Variants in VAPB observed in about 807,000 individuals in gnomAD.
VAPB encodes the protein VAMP associated protein B and C, also known as vesicle-associated membrane protein-associated protein B/C.
In VAPB, 7 loss-of-function variants were observed where a neutral mutation model predicts 25.6. That is an observed-to-expected ratio of 0.27 (90% CI 0.16 to 0.51). The LOEUF (loss-of-function observed/expected upper bound fraction) is 0.51. Ranked by LOEUF, VAPB falls within the 20% of genes least tolerant of loss-of-function variation. VAPB has a pLI of 0.97. For missense variants in VAPB, 266 were observed against 301.3 expected (o/e 0.88, Z 0.87); for synonymous variants, 112 against 109.2 (o/e 1.03, Z -0.16).
At position 58,446,431 on chromosome 20, in the gene VAPB, G is replaced by A. The variant is rs1289164816; in HGVS notation, c.*2196G>A. Reference sequence around the variant, plus strand: ...GTACAGTCCCATTACACTAGAGCAGGGCTCTATTTATTTTTAAAGGATATG... The same window carrying A: ...GTACAGTCCCATTACACTAGAGCAGAGCTCTATTTATTTTTAAAGGATATG... On this transcript the variant is annotated 3_prime_UTR_variant, in exon 6 of 6. Coordinates refer to ENST00000475243, the MANE Select transcript of VAPB (RefSeq NM_004738.5). 1 of 454,006 alleles carries A rather than the reference G, an allele frequency of 2.2e-6. No homozygotes were observed. Among genetic ancestry groups the A allele is most frequent in the Non-Finnish European group, 4.4e-6 (1 of 226,774 alleles). 28.1% of individuals were successfully genotyped at this position (454,006 alleles called of 1,614,324 possible).
chr20:58,424,895 A>G (rs1988753367), intron 2 of VAPB, among the ~76,000 whole-genome samples: 1 of 152,246 alleles, frequency 6.6e-6, no homozygotes. Flanking sequence ...AATAAATGCA[A>G]TTCATTATTT....
At chr20:58,400,007 G>A (rs1988058541) in intron 1 of VAPB, among the ~76,000 whole-genome samples, 1 of 152,182 alleles carries the variant, frequency 6.6e-6, no homozygotes, top group Admixed American at 6.5e-5. Context: ...GAAATGGAAA[G>A]GTACGTACTC....
chr20:58,419,346 G>A (rs1988618339), intron 2 of VAPB, among the ~76,000 whole-genome samples: 1 of 151,972 alleles, frequency 6.6e-6, no homozygotes, highest in Admixed American at 6.6e-5. Flanking sequence ...CCTGCATCTC[G>A]TCTCTCTCAT....
chr20:58,414,304 T>G (rs1162684249), intron 1 of VAPB, among the ~76,000 whole-genome samples: 1 of 130,286 alleles, frequency 7.7e-6, no homozygotes, highest in African/African-American at 2.9e-5. Context: ...CGGATGGGGC[T>G]GCTGGCCTGG....
intron 2 of VAPB, among the ~76,000 whole-genome samples, chr20:58,430,165 CAG>C (rs1037253389): frequency 8.7e-5 from 13 of 150,220 alleles, no homozygotes; most frequent in East Asian, 7.9e-4. Context: ...TACATGTTAA[CAG>C]AGTAACATTT....
chr20:58,433,438 AT>A (rs1480212741), intron 2 of VAPB, among the ~76,000 whole-genome samples: 15 of 152,292 alleles, frequency 9.8e-5, no homozygotes, highest in Admixed American at 9.8e-4. Flanking sequence ...AGGCAAGAGA[AT>A]GCTGATGAGG....
intron 1 of VAPB, among the ~76,000 whole-genome samples, chr20:58,408,572 T>A (rs1988290107): frequency 6.6e-6 from 1 of 152,162 alleles, no homozygotes; most frequent in African/African-American, 2.4e-5. Flanking sequence ...AACAGCTCAC[T>A]CTCTTCGAAT....
intron 2 of VAPB, among the ~76,000 whole-genome samples, chr20:58,427,931 T>C (rs1291859060): frequency 6.8e-6 from 1 of 146,658 alleles, no homozygotes; most frequent in Non-Finnish European, 1.5e-5. Flanking sequence ...GAAAGTGATC[T>C]GTGATCTGTT....
chr20:58,437,181 G>T (rs377413903), intron 3 of VAPB, among the ~76,000 whole-genome samples: 6 of 151,474 alleles, frequency 4.0e-5, no homozygotes, highest in African/African-American at 1.5e-4. Context: ...GCCCAGGCTG[G>T]TCTTGAACTT....
chr20:58,408,615 G>T (rs531321828), intron 1 of VAPB, among the ~76,000 whole-genome samples: 2 of 137,270 alleles, frequency 1.5e-5, no homozygotes, highest in Non-Finnish European at 3.2e-5. Context: ...ATTTTTTAGG[G>T]AGGGGGCAAC....
chr20:58,395,937 G>T (rs1048505941), intron 1 of VAPB, among the ~76,000 whole-genome samples: 2 of 152,226 alleles, frequency 1.3e-5, no homozygotes, highest in South Asian at 4.1e-4. Context: ...ACTGAATGTG[G>T]TAAAATACTA....
At chr20:58,436,342 T>C (rs1274796810) in intron 3 of VAPB, among the ~76,000 whole-genome samples, 2 of 64,652 alleles carry the variant, frequency 3.1e-5, no homozygotes, top group Non-Finnish European at 6.8e-5. Context: ...TTTTTTTTTT[T>C]TTTTTTTTGG....
chr20:58,447,736 A>AT lies in VAPB; in HGVS notation c.*3508dup, dbSNP rs757163425. On this transcript the variant is annotated 3_prime_UTR_variant, in exon 6 of 6. Coordinates refer to ENST00000475243, the MANE Select transcript of VAPB (RefSeq NM_004738.5). ...TTGACAGTTTTCAAATCGTGCCTAT[A>AT]TTTTTTTGCATACACAAATTTTTGT... The AT allele has an allele frequency of 2.2e-6, 1 of 453,656 alleles. No individual in the cohort carries two copies. Among genetic ancestry groups the AT allele is most frequent in the South Asian group, 1.6e-5 (1 of 64,476 alleles). The allele number at this position is 453,656 out of a possible 1,614,324, so 28.1% of individuals were successfully genotyped here. A position where few individuals can be genotyped will look rare whatever the true frequency, so the allele number is the denominator to read the frequency against.
chr20:58,409,292 A>G (rs720426), intron 1 of VAPB, among the ~76,000 whole-genome samples: 140,900 of 152,186 alleles, frequency 0.93, 65,463 homozygotes, highest in East Asian at 1. Context: ...AGATGGGTAT[A>G]GAACGCAGAA....
In VAPB at chr20:58,390,624, A is replaced by G. The variant is rs143722203; in HGVS notation, c.58+1107A>G. On this transcript the variant is annotated intron_variant, in intron 1 of 5. Transcript: ENST00000475243. ...GTAGGAAATGGAACAGTCTGACTCC[A>G]TGGAAGCGTACTTTAGATTGGAAGG... 2.9e-3 allele frequency among the ~76,000 whole-genome samples: 437 copies of G among 152,288 alleles called. 2 individuals are homozygous for G. Among genetic ancestry groups the G allele is most frequent in the African/African-American group, 0.01 (423 of 41,566 alleles).
rs148730282 is a variant in VAPB, at chr20:58,412,271, G to A, written c.59-5940G>A. Among the ~76,000 whole-genome samples, 636 of 152,146 alleles carry A rather than the reference G, an allele frequency of 4.2e-3. 2 individuals carry two copies. The highest frequency in any genetic ancestry group is 0.015 in the African/African-American group (609 of 41,510). On this transcript the variant is annotated intron_variant, in intron 1 of 5. Transcript: ENST00000475243. ...TACTTTAGCCTTTATTTTTCTGGTA[G>A]AATTGCTAAGTTAAAAGTAAAATTA...
intron 1 of VAPB, among the ~76,000 whole-genome samples, chr20:58,404,849 TTCTC>T (rs930912048): frequency 3.3e-5 from 5 of 152,210 alleles, no homozygotes; most frequent in Admixed American, 3.3e-4. Context: ...AGTGCCCTGT[TTCTC>T]TCTCTAGCTT....
intron 3 of VAPB, among the ~76,000 whole-genome samples, chr20:58,437,226 G>A (rs569753374): frequency 5.3e-5 from 8 of 151,326 alleles, no homozygotes; most frequent in East Asian, 3.9e-4. Flanking sequence ...TCTGCCTCTC[G>A]AAGTGCTGGG....
chr20:58,411,250 C>G (rs1988371440), intron 1 of VAPB, among the ~76,000 whole-genome samples: 1 of 152,184 alleles, frequency 6.6e-6, no homozygotes, highest in African/African-American at 2.4e-5. Context: ...AGAAAATGAA[C>G]AAATGTGTAA....
Sources: gnomAD v4.1 joint callset for allele counts (sites outside exome capture counted in the v4.1 genomes callset) on GRCh38, gnomAD v4.1.1 for gene constraint, MANE v1.5 for transcripts, NCBI Gene and HGNC (gene_info 2026-07-23, HGNC 2026-07-21) for gene names.